Variants in KLHL32 observed in about 807,000 individuals in gnomAD.
KLHL32 encodes kelch like family member 32.
Under a neutral mutation model 64.8 loss-of-function variants are expected in KLHL32, and 35 were observed. The ratio of observed to expected loss-of-function variants is 0.54; its 90% confidence interval spans 0.41 to 0.72. The LOEUF is 0.72. Among genes scored for constraint, KLHL32 ranks in the 30% least tolerant of loss-of-function variants. KLHL32 has a pLI of 0.00. For synonymous variants in KLHL32, 259 were observed against 281.0 expected (o/e 0.92, Z 0.78); for missense variants, 589 against 768.5 (o/e 0.77, Z 2.76).
intron 3 of KLHL32, among the ~76,000 whole-genome samples, chr6:97,033,795 A>G (rs1783922199): frequency 6.6e-6 from 1 of 152,028 alleles, no homozygotes; most frequent in Admixed American, 6.6e-5. Context: ...GCATCTTTTT[A>G]TATACCTGTT....
In KLHL32 at chr6:96,928,457, G is replaced by A. The variant is rs115820381; in HGVS notation, c.-66+3431G>A. On this transcript the variant is annotated intron_variant, in intron 1 of 10. Coordinates refer to ENST00000369261, the MANE Select transcript of KLHL32 (RefSeq NM_052904.4). ...ATGCAACTGCGGATGGGTGGGAGGG[G>A]ATGGAGGAAGACAAATTTGGGAAGG... Among the ~76,000 whole-genome samples, 605 of 152,276 alleles carry A rather than the reference G, an allele frequency of 4.0e-3. 10 individuals are homozygous for A. Among genetic ancestry groups the A allele is most frequent in the African/African-American group, 0.014 (584 of 41,552 alleles).
At chr6:96,924,079 C>T (rs995476021), upstream of KLHL32, among the ~76,000 whole-genome samples, 2 of 152,216 alleles carry the variant, frequency 1.3e-5, no homozygotes, top group African/African-American at 4.8e-5. Context: ...ATTTCGTCCA[C>T]CTCTGGCGGG....
At chr6:96,966,390 T>A (rs2128032427) in intron 1 of KLHL32, among the ~76,000 whole-genome samples, 1 of 152,292 alleles carries the variant, frequency 6.6e-6, no homozygotes, top group Non-Finnish European at 1.5e-5. Context: ...CAAGGAGCAA[T>A]TTCAAGCCTG....
intron 4 of KLHL32, among the ~76,000 whole-genome samples, chr6:97,055,937 A>G (rs1258024985): frequency 1.3e-5 from 2 of 150,974 alleles, no homozygotes; most frequent in Admixed American, 6.6e-5. Context: ...TCACTCATTT[A>G]TCACTCACTT....
intron 4 of KLHL32, among the ~76,000 whole-genome samples, chr6:97,042,511 A>G (rs948440680): frequency 2.6e-5 from 4 of 152,194 alleles, no homozygotes; most frequent in African/African-American, 7.2e-5. Flanking sequence ...TTAATTAGCA[A>G]ATAATAATTG....
chr6:96,960,262 A>C (rs756878542), intron 1 of KLHL32, among the ~76,000 whole-genome samples: 1 of 152,216 alleles, frequency 6.6e-6, no homozygotes, highest in African/African-American at 2.4e-5. Context: ...TGACCTGTGC[A>C]GGAAGAGGAG....
At chr6:97,126,066 CTCTTGGTCAG>C (rs1798844419) in intron 7 of KLHL32, among the ~76,000 whole-genome samples, 1 of 152,088 alleles carries the variant, frequency 6.6e-6, no homozygotes, top group Admixed American at 6.6e-5. Context: ...TGTTAAGGCC[CTCTTGGTCAG>C]CATTTTAACA....
intron 4 of KLHL32, among the ~76,000 whole-genome samples, chr6:97,047,925 C>T (rs954335827): frequency 5.9e-5 from 9 of 152,006 alleles, no homozygotes; most frequent in African/African-American, 1.2e-4. Flanking sequence ...ACCTTAGGAC[C>T]GAAATGGAAG....
intron 7 of KLHL32, among the ~76,000 whole-genome samples, chr6:97,125,914 G>A (rs1323966477): frequency 6.6e-6 from 1 of 152,162 alleles, no homozygotes; most frequent in East Asian, 1.9e-4. Flanking sequence ...CTGGCAAGCA[G>A]CTTTTAAAAT....
At chr6:97,138,384 TAC>T (rs1160379838) in intron 10 of KLHL32, among the ~76,000 whole-genome samples, 1 of 151,770 alleles carries the variant, frequency 6.6e-6, no homozygotes, top group Non-Finnish European at 1.5e-5. Flanking sequence ...ACAGAAAATT[TAC>T]AGATTAGCTA....
intron 2 of KLHL32, among the ~76,000 whole-genome samples, chr6:96,972,496 C>T (rs1210600444): frequency 6.6e-6 from 1 of 152,040 alleles, no homozygotes; most frequent in African/African-American, 2.4e-5. Context: ...CTAGGGCATC[C>T]CTCAGAGAAA....
intron 1 of KLHL32, among the ~76,000 whole-genome samples, chr6:96,931,096 C>G (rs952645927): frequency 6.6e-6 from 1 of 150,818 alleles, no homozygotes; most frequent in Admixed American, 6.6e-5. Context: ...AGGTCAAAAG[C>G]TCACCAGGAT....
intron 6 of KLHL32, among the ~76,000 whole-genome samples, chr6:97,106,906 T>G (rs1008916197): frequency 2.6e-5 from 4 of 152,204 alleles, no homozygotes; most frequent in Non-Finnish European, 4.4e-5. Flanking sequence ...AATCCATAAA[T>G]GAGGCTCACT....
intron 8 of KLHL32, among the ~76,000 whole-genome samples, chr6:97,129,595 C>T (rs1208879367): frequency 6.6e-6 from 1 of 152,156 alleles, no homozygotes; most frequent in African/African-American, 2.4e-5. Flanking sequence ...ATAAAAAAGT[C>T]TTCCAGCAGG....
chr6:97,011,947 T>C lies in KLHL32; in HGVS notation c.205-29545T>C, dbSNP rs547873769. Reference sequence around the variant, plus strand: ...TTACTTTGTTTAATCCCCCCAATAATCCTTAAATGTAGATATTACAACAAC... The same window carrying C: ...TTACTTTGTTTAATCCCCCCAATAACCCTTAAATGTAGATATTACAACAAC... On this transcript the variant is annotated intron_variant, in intron 3 of 10. Transcript: ENST00000369261. Among the ~76,000 whole-genome samples the C allele has an allele frequency of 2.0e-5, 3 of 152,292 alleles. No individual in the cohort carries two copies. In the East Asian group the frequency reaches 5.8e-4, roughly 29 times the overall value.
intron 4 of KLHL32, among the ~76,000 whole-genome samples, chr6:97,052,291 T>C (rs1346614287): frequency 6.6e-6 from 1 of 152,214 alleles, no homozygotes; most frequent in Non-Finnish European, 1.5e-5. Context: ...AATGTTGTAC[T>C]GTCAACTCAG....
Position 97,113,896 on chromosome 6 carries a change from C to G in KLHL32, c.741C>G (p.Ser247=). The G allele has an allele frequency of 6.2e-7, 1 of 1,614,028 alleles. No individual in the cohort carries two copies. The highest frequency in any genetic ancestry group is 8.5e-7 in the Non-Finnish European group (1 of 1,180,004). The change falls in exon 7 of 11, where the codon TCC becomes TCG. Residue 247 remains serine (S), a synonymous_variant. Coordinates refer to ENST00000369261, the MANE Select transcript of KLHL32 (RefSeq NM_052904.4). ...ATACTCTCCATACAGTTGCCCTGTC[C>G]CACCCCCTTGTCCAAGCAAGTGAGA... is the stretch of plus-strand genomic sequence containing the variant. The part of the protein sequence containing the change: ...DVDTLHTVAL[S]HPLVQASETA...
At chr6:96,904,741 A>G in the KLHL32 span, among the ~76,000 whole-genome samples, 1 of 152,220 alleles carries the variant, frequency 6.6e-6, no homozygotes, top group Non-Finnish European at 1.5e-5. Context: ...ATATCAGAAT[A>G]TGATATAAAA....
chr6:97,133,160 G>A (rs890951224), intron 10 of KLHL32, among the ~76,000 whole-genome samples: 30 of 152,086 alleles, frequency 2.0e-4, no homozygotes, highest in African/African-American at 7.2e-4. Flanking sequence ...CCACCTACAA[G>A]GGTGTTCTTC....
Sources: allele counts gnomAD v4.1 joint callset (sites outside exome capture counted in the v4.1 genomes callset), GRCh38; gene constraint gnomAD v4.1.1; transcripts MANE v1.5; gene names NCBI Gene and HGNC (gene_info 2026-07-23, HGNC 2026-07-21).